Variants in ATP10A observed in about 807,000 individuals in gnomAD.
ATP10A encodes phospholipid-transporting ATPase VA.
In ATP10A, 111 loss-of-function variants were observed where a neutral mutation model predicts 147.8. The observed-to-expected ratio is 0.75, with a 90% CI of 0.64 to 0.88. ATP10A has a LOEUF of 0.88. Among genes scored for constraint, ATP10A ranks in the 40% least tolerant of loss-of-function variants. The probability of loss-of-function intolerance (pLI) is 0.00; values close to 1 mark genes in which losing one functional copy is unlikely to be tolerated. For synonymous variants in ATP10A, 875 were observed against 841.6 expected, an observed-to-expected ratio of 1.04 and a Z score of -0.69; for missense variants, 1,927 against 1,959.0, an observed-to-expected ratio of 0.98 and a Z score of 0.31.
At chr15:25,725,865 G>A (rs534343661) in intron 5 of ATP10A, 86 bp downstream of exon 5, 22 of 1,437,186 alleles carry the variant, frequency 1.5e-5, no homozygotes, top group South Asian at 1.5e-4. Flanking sequence ...TGATCTGCCC[G>A]CCTCGGCCTC....
chr15:25,833,710 G>A (rs979759137), intron 1 of ATP10A, among the ~76,000 whole-genome samples: 2 of 152,156 alleles, frequency 1.3e-5, no homozygotes, highest in Non-Finnish European at 2.9e-5. Flanking sequence ...GCCGGGTGCC[G>A]TGGCTCACGC....
intron 17 of ATP10A, among the ~76,000 whole-genome samples, chr15:25,682,742 G>A (rs1899492687): frequency 6.6e-6 from 1 of 152,210 alleles, no homozygotes; most frequent in Non-Finnish European, 1.5e-5. Context: ...TGGAATTAGG[G>A]ATTATTGCAG....
chr15:25,725,918 C>T (rs907665092), intron 5 of ATP10A, 33 bp downstream of exon 5: 2 of 1,587,020 alleles, frequency 1.3e-6, no homozygotes, highest in Non-Finnish European at 1.7e-6. Flanking sequence ...GCGCCTGGCC[C>T]CCACTCATTT....
chr15:25,717,230 CATT>C (rs201754379), intron 8 of ATP10A, among the ~76,000 whole-genome samples: 1 of 144,286 alleles, frequency 6.9e-6, no homozygotes, highest in African/African-American at 2.5e-5. Context: ...TTCTCCAAAA[CATT>C]ATTAATTGTC....
At chr15:25,734,378 T>C (rs555987665) in intron 3 of ATP10A, among the ~76,000 whole-genome samples, 1 of 152,304 alleles carries the variant, frequency 6.6e-6, no homozygotes, top group Non-Finnish European at 1.5e-5. Context: ...GTTGGCACCG[T>C]AAAATTATTC....
chr15:25,679,261 A>C lies in ATP10A; in HGVS notation c.*80T>G. The C allele has an allele frequency of 9.3e-7, 1 of 1,072,500 alleles. No individual in the cohort carries two copies. Among genetic ancestry groups the C allele is most frequent in the Non-Finnish European group, 1.2e-6 (1 of 839,120 alleles). The allele number at this position is 1,072,500 out of a possible 1,614,324, so 66.4% of individuals were successfully genotyped here. On this transcript the variant is annotated 3_prime_UTR_variant, in exon 21 of 21. Transcript: ENST00000555815. ...GAAACATTTAGAAATACATCTCCCT[A>C]GAACTCTTCTGTGCAAATAATAAAC...
chr15:25,847,115 A>C (rs1893056039), intron 1 of ATP10A, among the ~76,000 whole-genome samples: 1 of 152,232 alleles, frequency 6.6e-6, no homozygotes, highest in Non-Finnish European at 1.5e-5. Flanking sequence ...TATCAGGATA[A>C]CTATCTGGTG....
intron 10 of ATP10A, 184 bp from the exon 11 acceptor site, chr15:25,708,484 G>T: frequency 2.8e-6 from 1 of 351,622 alleles, no homozygotes; most frequent in Non-Finnish European, 5.1e-6. Context: ...ATGTTTGACT[G>T]TTTTATTTTA....
chr15:25,822,892 T>A (rs181067847), intron 1 of ATP10A, among the ~76,000 whole-genome samples: 2 of 152,208 alleles, frequency 1.3e-5, no homozygotes, highest in Non-Finnish European at 2.9e-5. Flanking sequence ...TAGATTCCTA[T>A]GTAATATTTT....
At chr15:25,828,564 C>T (rs7181599) in intron 1 of ATP10A, among the ~76,000 whole-genome samples, 1 of 152,142 alleles carries the variant, frequency 6.6e-6, no homozygotes, top group African/African-American at 2.4e-5. Context: ...GGAAATCACA[C>T]GGAAATTAGG....
chr15:25,735,661 A>G (rs892482473), intron 3 of ATP10A, among the ~76,000 whole-genome samples: 44 of 152,222 alleles, frequency 2.9e-4, no homozygotes, highest in African/African-American at 1.0e-3. Context: ...GTATCAATAA[A>G]TACGTGTTCA....
Position 25,810,977 on chromosome 15 carries a change from T to C in ATP10A, c.450-29754A>G, listed in dbSNP as rs114674600. ...AGCAGAAGCCTAGCTTTACATATAA[T>C]GAAGCTGGGGCTGGAAGGAGGCGGG... On this transcript the variant is annotated intron_variant, in intron 1 of 20. Transcript: ENST00000555815. 1.5e-3 allele frequency among the ~76,000 whole-genome samples: 224 copies of C among 152,154 alleles called. 1 individual carries two copies. The highest frequency in any genetic ancestry group is 5.0e-3 in the African/African-American group (209 of 41,516).
rs115797164 is a variant in ATP10A, at chr15:25,715,157, A to G, written c.1777-916T>C. Among the ~76,000 whole-genome samples the G allele has an allele frequency of 6.6e-3, 1,013 of 152,356 alleles. 18 individuals carry two copies. The highest frequency in any genetic ancestry group is 0.023 in the African/African-American group (959 of 41,584). ...CATTGCATCCTAAGTTGTGAATTAC[A>G]GTAACAGCCTCCAGAAAAATCAGGT... is the stretch of plus-strand genomic sequence containing the variant. On this transcript the variant is annotated intron_variant, in intron 9 of 20. Transcript: ENST00000555815.
chr15:25,727,230 T>C lies in ATP10A; in HGVS notation c.777A>G (p.Lys259=). The C allele has an allele frequency of 5.6e-6, 9 of 1,614,146 alleles. No homozygotes were observed. The highest frequency in any genetic ancestry group is 7.6e-6 in the Non-Finnish European group (9 of 1,180,012). The part of the protein sequence containing the change: ...HDNGKKAGLY[K]ENLLLRGCTL... Reference sequence around the variant, plus strand: ...TGCAGCCCCTCAGCAGCAGGTTTTCTTTATACAGCCCGGCCTTTTTCCCGT... The same window carrying C: ...TGCAGCCCCTCAGCAGCAGGTTTTCCTTATACAGCCCGGCCTTTTTCCCGT... Residue 259 remains lysine (K), a synonymous_variant, in exon 4 of 21, where the codon AAA becomes AAG. Coordinates refer to ENST00000555815, the MANE Select transcript of ATP10A (RefSeq NM_024490.4).
intron 1 of ATP10A, among the ~76,000 whole-genome samples, chr15:25,859,575 AC>A (rs891174097): frequency 6.6e-6 from 1 of 151,318 alleles, no homozygotes; most frequent in Admixed American, 6.6e-5. Context: ...GCAGGACCTA[AC>A]CCCCCCAGAA....
At chr15:25,729,035 A>G (rs917931038) in intron 3 of ATP10A, among the ~76,000 whole-genome samples, 2 of 152,032 alleles carry the variant, frequency 1.3e-5, no homozygotes, top group Admixed American at 6.5e-5. Flanking sequence ...ACGAGGCTCA[A>G]CTCCACAAAG....
chr15:25,771,104 G>A (rs1889310239), intron 2 of ATP10A, among the ~76,000 whole-genome samples: 2 of 152,134 alleles, frequency 1.3e-5, no homozygotes, highest in Non-Finnish European at 2.9e-5. Flanking sequence ...TCCCCTCTGT[G>A]TAAGCCCCTA....
intron 1 of ATP10A, among the ~76,000 whole-genome samples, chr15:25,813,019 G>A (rs553280412): frequency 5.9e-4 from 90 of 152,320 alleles, no homozygotes; most frequent in African/African-American, 2.0e-3. Flanking sequence ...GCCTGCAGGC[G>A]CCCTGAATGG....
Position 25,716,886 on chromosome 15 carries a change from C to T in ATP10A, c.1620G>A (p.Lys540=). Residue 540 remains lysine (K), a synonymous_variant, in exon 9 of 21, where the codon AAG becomes AAA. Coordinates refer to ENST00000555815, the MANE Select transcript of ATP10A (RefSeq NM_024490.4). ...CTAGGCTCTTGTCACACTCACTCAC[C>T]TTCTCCAGCAGCTTTGGGTCGGGCG... ...DITPDPKLLE[K]VSECDKSLAV... The T allele has an allele frequency of 3.7e-6, 6 of 1,601,390 alleles. No individual in the cohort carries two copies. The highest frequency in any genetic ancestry group is 1.1e-5 in the South Asian group (1 of 89,128).
Sources: allele counts gnomAD v4.1 joint callset (sites outside exome capture counted in the v4.1 genomes callset), GRCh38; gene constraint gnomAD v4.1.1; transcripts MANE v1.5; gene names NCBI Gene and HGNC (gene_info 2026-07-23, HGNC 2026-07-21).